The following SYT1 variants were observed in gnomAD, a reference collection of about 807,000 sequenced individuals.
The protein encoded by SYT1 is synaptotagmin-1.
In SYT1, 8 loss-of-function variants were observed where a neutral mutation model predicts 44.8. That is an observed-to-expected ratio of 0.18 (90% CI 0.10 to 0.32). SYT1 has a LOEUF of 0.32. Ranked by LOEUF, SYT1 falls within the 10% of genes least tolerant of loss-of-function variation. The pLI, the probability that SYT1 is intolerant of heterozygous loss-of-function variation, is 1.00. For synonymous variants in SYT1, 154 were observed against 188.8 expected (o/e 0.82, Z 1.51); for missense variants, 286 against 509.3 (o/e 0.56, Z 4.22).
intron 9 of SYT1, chr12:79,392,682 A>G (rs1884704897): frequency 6.6e-6 from 1 of 152,190 alleles, no homozygotes; most frequent in Non-Finnish European, 1.5e-5. Flanking sequence ...AGTTTAATGA[A>G]GATTAATCTG....
At chr12:79,348,367 G>C (rs1447404035) in intron 8 of SYT1, among the ~76,000 whole-genome samples, 1 of 152,154 alleles carries the variant, frequency 6.6e-6, no homozygotes, top group African/African-American at 2.4e-5. Context: ...TTCCCAGGAT[G>C]CAGGACTTTT....
chr12:78,884,545 T>C (rs1372345625), intron 1 of SYT1, among the ~76,000 whole-genome samples: 1 of 151,712 alleles, frequency 6.6e-6, no homozygotes, highest in Admixed American at 6.6e-5. Context: ...AGTATCCTTG[T>C]GTTAACATAT....
chr12:78,875,450 A>C (rs1358803487), intron 1 of SYT1, among the ~76,000 whole-genome samples: 2 of 151,610 alleles, frequency 1.3e-5, no homozygotes, highest in East Asian at 3.9e-4. Flanking sequence ...AATAGTGGGG[A>C]ATGTGATCAA....
At chr12:79,077,267 G>A (rs1876723488) in intron 3 of SYT1, among the ~76,000 whole-genome samples, 2 of 152,102 alleles carry the variant, frequency 1.3e-5, no homozygotes, top group South Asian at 4.1e-4. Flanking sequence ...CAGATACAAA[G>A]CACTGCCATC....
intron 3 of SYT1, among the ~76,000 whole-genome samples, chr12:79,160,437 T>A (rs1295304182): frequency 6.6e-6 from 1 of 152,090 alleles, no homozygotes; most frequent in East Asian, 1.9e-4. Context: ...AAAGTCTGGC[T>A]AAGAAGTTAT....
intron 9 of SYT1, among the ~76,000 whole-genome samples, chr12:79,421,475 C>T (rs557200500): frequency 5.9e-5 from 9 of 152,234 alleles, no homozygotes; most frequent in Middle Eastern, 3.4e-3. Flanking sequence ...TGGAAAAATG[C>T]TAGCATAGCT....
chr12:79,235,050 T>TTAC (rs1876106275), intron 4 of SYT1, among the ~76,000 whole-genome samples: 3 of 152,322 alleles, frequency 2.0e-5, no homozygotes, highest in African/African-American at 7.2e-5. Flanking sequence ...TAAATATTTT[T>TTAC]GGGCAACTCT....
intron 3 of SYT1, among the ~76,000 whole-genome samples, chr12:79,109,818 T>G (rs10506809): frequency 0.025 from 3,882 of 152,284 alleles, 120 homozygotes; most frequent in South Asian, 0.11. Context: ...CAGACTAACC[T>G]ATTAATGACC....
At chr12:79,127,369 AAAG>A (rs1347937623) in intron 3 of SYT1, among the ~76,000 whole-genome samples, 1 of 152,262 alleles carries the variant, frequency 6.6e-6, no homozygotes, top group Non-Finnish European at 1.5e-5. Flanking sequence ...ACTGGTTGCA[AAAG>A]ATGTGAAAAA....
At chr12:79,314,221 G>A (rs907486687) in intron 8 of SYT1, among the ~76,000 whole-genome samples, 2 of 150,802 alleles carry the variant, frequency 1.3e-5, no homozygotes, top group African/African-American at 4.9e-5. Flanking sequence ...TAAAAACATT[G>A]GTCAGAGCCC....
At chr12:79,338,994 G>T (rs1020197811) in intron 8 of SYT1, among the ~76,000 whole-genome samples, 12 of 152,124 alleles carry the variant, frequency 7.9e-5, no homozygotes, top group African/African-American at 2.4e-4. Context: ...CAAACAACAT[G>T]AATTCATCCT....
intron 6 of SYT1, among the ~76,000 whole-genome samples, chr12:79,295,225 G>A (rs1208895226): frequency 6.6e-6 from 1 of 152,104 alleles, no homozygotes; most frequent in Non-Finnish European, 1.5e-5. Context: ...TAATGGCAGA[G>A]TATCTATGAT....
intron 3 of SYT1, among the ~76,000 whole-genome samples, chr12:79,214,941 A>ATG (rs71091652): frequency 0.033 from 4,841 of 148,484 alleles, 92 homozygotes; most frequent in Non-Finnish European, 0.046. Flanking sequence ...ATGTGTGTAT[A>ATG]TGTGTGTGTG....
chr12:79,132,542 A>G (rs1234545083), intron 3 of SYT1, among the ~76,000 whole-genome samples: 1 of 152,000 alleles, frequency 6.6e-6, no homozygotes. Flanking sequence ...CAATAAAATC[A>G]TCTTAACCCG....
At chr12:79,164,271 A>C (rs1418298580) in intron 3 of SYT1, among the ~76,000 whole-genome samples, 1 of 152,112 alleles carries the variant, frequency 6.6e-6, no homozygotes, top group Admixed American at 6.6e-5. Flanking sequence ...AGCTTGAAGC[A>C]TTCACAGAGA....
At chr12:78,898,364 A>G (rs1016908246) in intron 1 of SYT1, among the ~76,000 whole-genome samples, 4 of 152,058 alleles carry the variant, frequency 2.6e-5, no homozygotes, top group African/African-American at 7.2e-5. Context: ...TTTGAGGGGG[A>G]AAAATTAAGA....
chr12:79,284,851 AAAG>A (rs1484427517), intron 4 of SYT1, among the ~76,000 whole-genome samples: 37 of 152,198 alleles, frequency 2.4e-4, no homozygotes, highest in African/African-American at 8.2e-4. Flanking sequence ...AAAAAAAAAA[AAAG>A]AATTGATAGC....
intron 1 of SYT1, among the ~76,000 whole-genome samples, chr12:78,974,170 A>G (rs191942652): frequency 6.6e-6 from 1 of 150,636 alleles, no homozygotes; most frequent in Admixed American, 6.6e-5. Flanking sequence ...TGTTACTTCA[A>G]TGAACACTGT....
At chr12:79,028,680 T>C (rs1464985072) in intron 2 of SYT1, among the ~76,000 whole-genome samples, 7 of 151,406 alleles carry the variant, frequency 4.6e-5, no homozygotes, top group Non-Finnish European at 1.0e-4. Flanking sequence ...TGGTAAATAG[T>C]TAATATAGTC....
Sources: gnomAD v4.1 joint callset for allele counts (sites outside exome capture counted in the v4.1 genomes callset) on GRCh38, gnomAD v4.1.1 for gene constraint, MANE v1.5 for transcripts, NCBI Gene and HGNC (gene_info 2026-07-23, HGNC 2026-07-21) for gene names.